Variants in MARCHF1 observed in about 807,000 individuals in gnomAD.
The protein encoded by MARCHF1 is E3 ubiquitin-protein ligase MARCHF1.
Under a neutral mutation model 54.2 loss-of-function variants are expected in MARCHF1, and 40 were observed. The observed-to-expected ratio is 0.74, with a 90% confidence interval of 0.57 to 0.96. MARCHF1 has a LOEUF of 0.96. MARCHF1 is among the 40% of genes least tolerant of loss of function. The pLI is 0.00. For synonymous variants in MARCHF1, 236 were observed against 236.3 expected (o/e 1.00, Z 0.01); for missense variants, 586 against 656.5 (o/e 0.89, Z 1.17).
chr4:163,672,323 C>T (rs1227216933), intron 5 of MARCHF1, among the ~76,000 whole-genome samples: 1 of 151,974 alleles, frequency 6.6e-6, no homozygotes, highest in Admixed American at 6.6e-5. Context: ...AGGTTTGTTA[C>T]ATAGGTAAAC....
intron 5 of MARCHF1, among the ~76,000 whole-genome samples, chr4:163,672,186 A>G (rs73871004): frequency 0.25 from 38,132 of 152,084 alleles, 6,348 homozygotes; most frequent in African/African-American, 0.45. Context: ...TTGGGATAAT[A>G]TTATTCACCC....
chr4:164,213,752 T>G (rs1731847975), intron 1 of MARCHF1, among the ~76,000 whole-genome samples: 1 of 152,074 alleles, frequency 6.6e-6, no homozygotes, highest in African/African-American at 2.4e-5. Context: ...TTATTTTTTG[T>G]CTATTGTATA....
rs535007501 is a variant in MARCHF1, at chr4:163,576,757, T to C, written c.1191+8992A>G. ...TTGGGAACGTATATATTTAGGATGG[T>C]TAAATCTTGTTGTTGAAATGAACTC... On this transcript the variant is annotated intron_variant, in intron 8 of 9. Transcript: ENST00000514618. Among the ~76,000 whole-genome samples, 9 of 152,134 alleles carry C rather than the reference T, an allele frequency of 5.9e-5. No homozygotes were observed. In the South Asian group the frequency reaches 1.2e-3, roughly 21 times the overall value.
At chr4:164,356,773 AG>A (rs138704579) in intron 1 of MARCHF1, among the ~76,000 whole-genome samples, 1 of 140,416 alleles carries the variant, frequency 7.1e-6, no homozygotes, top group African/African-American at 2.6e-5. Context: ...TAAAAAAAAA[AG>A]AAAAGCAAAA....
intron 1 of MARCHF1, among the ~76,000 whole-genome samples, chr4:164,133,773 C>T (rs1756348229): frequency 1.3e-5 from 2 of 152,152 alleles, no homozygotes; most frequent in Admixed American, 6.5e-5. Flanking sequence ...GTGGGCACTG[C>T]CCATCTACCT....
intron 4 of MARCHF1, among the ~76,000 whole-genome samples, chr4:163,775,651 T>G (rs1747283532): frequency 6.6e-6 from 1 of 152,084 alleles, no homozygotes; most frequent in Non-Finnish European, 1.5e-5. Flanking sequence ...TTAAAGGACT[T>G]GATTCCCTGA....
intron 4 of MARCHF1, among the ~76,000 whole-genome samples, chr4:163,767,377 A>T (rs541685535): frequency 4.2e-4 from 62 of 148,256 alleles, no homozygotes; most frequent in African/African-American, 1.5e-3. Flanking sequence ...CTCGTCGCCC[A>T]GGCTGGAGTG....
chr4:164,052,270 CCTG>C (rs1754388551), intron 2 of MARCHF1, among the ~76,000 whole-genome samples: 1 of 8,864 alleles, frequency 1.1e-4, no homozygotes, highest in Admixed American at 8.8e-4. Context: ...CGCCTGTAAT[CCTG>C]TAATCCCAGC....
intron 1 of MARCHF1, among the ~76,000 whole-genome samples, chr4:164,289,599 A>T (rs1383965711): frequency 6.6e-6 from 1 of 151,614 alleles, no homozygotes; most frequent in African/African-American, 2.4e-5. Flanking sequence ...AAAAAAAAAA[A>T]AAAAAACCTG....
chr4:163,576,391 T>C (rs572695612), intron 8 of MARCHF1, among the ~76,000 whole-genome samples: 1 of 152,296 alleles, frequency 6.6e-6, no homozygotes, highest in African/African-American at 2.4e-5. Context: ...TATTTCACCA[T>C]GGTTCAATAG....
At chr4:163,550,497 T>A (rs891897896) in intron 8 of MARCHF1, among the ~76,000 whole-genome samples, 1 of 127,080 alleles carries the variant, frequency 7.9e-6, no homozygotes, top group Non-Finnish European at 1.6e-5. Context: ...CAGTAGCTAG[T>A]ACGGTAGCCC....
At chr4:163,611,629 G>A (rs973078339) in intron 7 of MARCHF1, among the ~76,000 whole-genome samples, 13 of 152,110 alleles carry the variant, frequency 8.5e-5, no homozygotes, top group Admixed American at 3.3e-4. Context: ...ATGCTGTTGA[G>A]TTAAAAAGAG....
At chr4:164,199,082 T>G (rs1027997363) in intron 1 of MARCHF1, among the ~76,000 whole-genome samples, 1 of 152,192 alleles carries the variant, frequency 6.6e-6, no homozygotes, top group South Asian at 2.1e-4. Context: ...TGATGTGTGC[T>G]CAGATTGATC....
intron 1 of MARCHF1, among the ~76,000 whole-genome samples, chr4:164,226,905 C>T (rs181816450): frequency 1.3e-5 from 2 of 152,128 alleles, no homozygotes; most frequent in Admixed American, 1.3e-4. Flanking sequence ...GGTTTTATTG[C>T]AATACCATGT....
In MARCHF1 at chr4:164,351,710, G is replaced by A. The variant is rs11723895; in HGVS notation, c.-323+32160C>T. Among the ~76,000 whole-genome samples the A allele has an allele frequency of 7.9e-5, 12 of 151,272 alleles. No individual in the cohort carries two copies. In the South Asian group the frequency reaches 1.0e-3, roughly 13 times the overall value. On this transcript the variant is annotated intron_variant, in intron 1 of 9. Transcript: ENST00000514618. ...ACTCTAAAAAGCAGAGCGCCTCTCC[G>A]CCTCCAAAGGAACGCAGTTTCTCAC...
At chr4:164,142,545 C>A (rs577965113) in intron 1 of MARCHF1, among the ~76,000 whole-genome samples, 10 of 152,194 alleles carry the variant, frequency 6.6e-5, no homozygotes, top group South Asian at 6.2e-4. Flanking sequence ...CTGGGAGGCA[C>A]CCCCCAGCAG....
At chr4:163,579,229 T>C (rs755606356) in intron 8 of MARCHF1, among the ~76,000 whole-genome samples, 8 of 152,214 alleles carry the variant, frequency 5.3e-5, no homozygotes, top group Admixed American at 1.3e-4. Context: ...CATGTTGGCA[T>C]TGTAATCTAT....
intron 1 of MARCHF1, among the ~76,000 whole-genome samples, chr4:164,310,811 T>C (rs965986360): frequency 7.2e-5 from 11 of 152,084 alleles, no homozygotes; most frequent in Admixed American, 6.5e-4. Context: ...CTGGAAAATA[T>C]AAAAACATAA....
intron 1 of MARCHF1, among the ~76,000 whole-genome samples, chr4:164,192,639 A>T (rs1032473052): frequency 5.9e-5 from 9 of 152,090 alleles, no homozygotes; most frequent in African/African-American, 2.2e-4. Context: ...CACTTCAGTC[A>T]CTCTTGAAGC....
Sources: allele counts gnomAD v4.1 joint callset (sites outside exome capture counted in the v4.1 genomes callset), GRCh38; gene constraint gnomAD v4.1.1; transcripts MANE v1.5; gene names NCBI Gene and HGNC (gene_info 2026-07-23, HGNC 2026-07-21).